The following SPAG4 variants were observed in gnomAD, a reference collection of about 807,000 sequenced individuals.
SPAG4 encodes sperm associated antigen 4.
A neutral mutation model predicts 53.9 loss-of-function variants in SPAG4; 54 were observed. The observed-to-expected ratio is 1.00, with a 90% CI of 0.80 to 1.26. The LOEUF (loss-of-function observed/expected upper bound fraction) is 1.26, where lower values mean the gene tolerates loss of function less well. Among genes scored for constraint, SPAG4 ranks in the 50% most tolerant of loss-of-function variants. SPAG4 has a pLI of 0.00. For missense variants in SPAG4, 548 were observed against 568.6 expected, an observed-to-expected ratio of 0.96 and a Z score of 0.37; for synonymous variants, 246 against 237.4, an observed-to-expected ratio of 1.04 and a Z score of -0.33.
chr20:35,616,064 T>C lies in SPAG4; in HGVS notation c.61T>C (p.Phe21Leu). ...CTCGCGCAAGCACACGCCCAACTTT[T>C]TCAGCGAGAACAGCTCAATGAGCAT... is the stretch of plus-strand genomic sequence containing the variant. ...SSSRKHTPNFFSENSSMSITS... is the reference protein window; with the variant it reads ...SSSRKHTPNFLSENSSMSITS... Residue 21 changes from phenylalanine to leucine, a missense_variant, in exon 1 of 12, where the codon TTC becomes CTC. Transcript: ENST00000374273. The C allele has an allele frequency of 6.2e-7, 1 of 1,612,764 alleles. No individual in the cohort carries two copies. Among genetic ancestry groups the C allele is most frequent in the Non-Finnish European group, 8.5e-7 (1 of 1,179,688 alleles).
chr20:35,619,868 G>T, intron 10 of SPAG4, 122 bp downstream of exon 10: 1 of 968,982 alleles, frequency 1.0e-6, no homozygotes, highest in Non-Finnish European at 1.5e-6. Context: ...ACTACTATTT[G>T]CCTCTCAGAG....
chr20:35,618,727 C>A lies in SPAG4; in HGVS notation c.717+7C>A. On this transcript the variant is annotated splice_region_variant and intron_variant, in intron 7 of 11. Transcript: ENST00000374273. The stretch of plus-strand genomic sequence containing the variant: ...TCGGGCAGCCAACAGCGAGGTGAGC[C>A]CCGGCCCACCTTGGAAACCCCTGAT... 6.4e-7 allele frequency: 1 copy of A among 1,568,186 alleles called. No individual in the cohort carries two copies. The highest frequency in any genetic ancestry group is 8.7e-7 in the Non-Finnish European group (1 of 1,153,998).
At chr20:35,617,267 C>T (rs1219349872) in intron 2 of SPAG4, 27 bp downstream of exon 2, 40 of 1,494,898 alleles carry the variant, frequency 2.7e-5, no homozygotes, top group Non-Finnish European at 3.6e-5. Context: ...CTGCGATCCC[C>T]TCTGACCCTC....
chr20:35,616,310 G>T lies in SPAG4; in HGVS notation c.304+3G>T, dbSNP rs1176461876. 1.0e-5 allele frequency: 15 copies of T among 1,468,940 alleles called. No homozygotes were observed. The South Asian group carries it at 1.9e-4, about 18-fold the overall frequency. 91.0% of individuals were successfully genotyped at this position (1,468,940 alleles called of 1,614,324 possible). A position where few individuals can be genotyped will look rare whatever the true frequency, so the allele number is the denominator to read the frequency against. ...AACCGTGAGGGGCGGGGCCTCGGGT[G>T]CGGGCGGGGTCGACCCCGGGTGAGC... is the stretch of plus-strand genomic sequence containing the variant. On this transcript the variant is annotated splice_donor_region_variant and intron_variant, in intron 1 of 11. Transcript: ENST00000374273.
rs1364092501 is a variant in SPAG4 at position 35,618,618 on chromosome 20, C to A, written c.615C>A (p.Tyr205Ter). Reference protein sequence around the residue: ...EPKEMLTLSEYHERVRSQGQQ... With the variant: ...EPKEMLTLSE ...GCCCACCTCCCACCTCCAGTGAGTA[C>A]CACGAGCGCGTGCGCTCCCAGGGGC... The change falls in exon 7 of 12, where the codon TAC becomes TAA. Residue 205 changes from tyrosine (Y) to a stop codon, truncating the protein, a stop_gained. Transcript: ENST00000374273. LOFTEE classifies it high-confidence loss of function. 5 of 1,599,506 alleles carry A rather than the reference C, an allele frequency of 3.1e-6. No homozygotes were observed. In the South Asian group the frequency reaches 5.6e-5, roughly 18 times the overall value.
At chr20:35,617,718 C>A in intron 3 of SPAG4, 61 bp from the exon 4 acceptor site, 4 of 1,581,236 alleles carry the variant, frequency 2.5e-6, no homozygotes, top group Non-Finnish European at 3.5e-6. Flanking sequence ...GGTCTAGGAC[C>A]CTGGGGTGGG....
chr20:35,618,035 G>C, intron 4 of SPAG4, 52 bp from the exon 5 acceptor site: 1 of 1,589,768 alleles, frequency 6.3e-7, no homozygotes, highest in Non-Finnish European at 8.6e-7. Flanking sequence ...CTATGCCGGG[G>C]AAACCCATTC....
intron 5 of SPAG4, 56 bp downstream of exon 5, chr20:35,618,186 T>C (rs1240136172): frequency 6.4e-7 from 1 of 1,555,258 alleles, no homozygotes; most frequent in East Asian, 2.2e-5. Context: ...AACCCGGAGA[T>C]TGTGGGGGTC....
chr20:35,615,920 C>T lies in SPAG4; in HGVS notation c.-84C>T. 1 of 1,395,692 alleles carries T rather than the reference C, an allele frequency of 7.2e-7. No homozygotes were observed. Among genetic ancestry groups the T allele is most frequent in the South Asian group, 1.3e-5 (1 of 76,534 alleles). 86.5% of individuals were successfully genotyped at this position (1,395,692 alleles called of 1,614,324 possible). On this transcript the variant is annotated 5_prime_UTR_variant, in exon 1 of 12. Transcript: ENST00000374273. ...CGCAGGGTCCGTGGGGTCCCCGCGG[C>T]GCGCAGCGGCTGAAGGAGGCCCCAG...
At chr20:35,619,551 T>C in intron 9 of SPAG4, 28 bp from the exon 10 acceptor site, 1 of 1,605,372 alleles carries the variant, frequency 6.2e-7, no homozygotes, top group Non-Finnish European at 8.5e-7. Context: ...TGTCCGACGG[T>C]TCCGATGGTC....
At chr20:35,618,577 G>A in intron 6 of SPAG4, 35 bp from the exon 7 acceptor site, 1 of 1,597,858 alleles carries the variant, frequency 6.3e-7, no homozygotes. Context: ...GGGGGACAGG[G>A]AGCCAACCCC....
In SPAG4 at chr20:35,616,275, G is replaced by A. The variant is rs2031372873; in HGVS notation, c.272G>A (p.Cys91Tyr). 6.7e-7 allele frequency: 1 copy of A among 1,492,674 alleles called. No homozygotes were observed. 92.5% of individuals were successfully genotyped at this position (1,492,674 alleles called of 1,614,324 possible). A position where few individuals can be genotyped will look rare whatever the true frequency, so the allele number is the denominator to read the frequency against. ...APRSHNWQTA[C>Y]GAATVRGGAS... ...CGGAGCCACAACTGGCAGACAGCCT[G>A]TGGCGCGGCAACCGTGAGGGGCGGG... Residue 91 changes from cysteine to tyrosine, a missense_variant, in exon 1 of 12, where the codon TGT (cysteine) becomes TAT (tyrosine). Cys to Tyr is a radical substitution (Grantham distance 194, BLOSUM62 -2). Coordinates refer to ENST00000374273, the MANE Select transcript of SPAG4 (RefSeq NM_003116.3).
intron 4 of SPAG4, 55 bp from the exon 5 acceptor site, chr20:35,618,032 G>C (rs1468756382): frequency 3.2e-6 from 5 of 1,579,230 alleles, no homozygotes; most frequent in Admixed American, 1.7e-5. Flanking sequence ...CCCCTATGCC[G>C]GGGAAACCCA....
At chr20:35,618,758 C>T (rs775501360) in intron 7 of SPAG4, 38 bp downstream of exon 7, 2 of 1,493,622 alleles carry the variant, frequency 1.3e-6, no homozygotes, top group South Asian at 2.4e-5. Flanking sequence ...CTGATGGATC[C>T]CTGCTCCCAG....
chr20:35,617,066 C>T, intron 1 of SPAG4, 70 bp from the exon 2 acceptor site: 5 of 1,007,748 alleles, frequency 5.0e-6, no homozygotes, highest in East Asian at 2.6e-5. Context: ...GAGCAATCTG[C>T]GGCCCGGTCT....
At chr20:35,620,201 C>T (rs2031528421) in intron 10 of SPAG4, among the ~76,000 whole-genome samples, 1 of 152,130 alleles carries the variant, frequency 6.6e-6, no homozygotes, top group African/African-American at 2.4e-5. Context: ...AAACTCCTGA[C>T]CTCAAGTGAT....
rs768487357 is a variant in SPAG4 at position 35,620,698 on chromosome 20, T to C, written c.1092T>C (p.Tyr364=). ...RDFAVFGLQV[Y]DETEVSLGKF... Reference sequence around the variant, plus strand: ...TCACCCACCAGGGCCTCCAGGTTTATGATGAAACTGAAGTTTCCTTGGGGA... The same window carrying C: ...TCACCCACCAGGGCCTCCAGGTTTACGATGAAACTGAAGTTTCCTTGGGGA... The change falls in exon 11 of 12, where the codon TAT becomes TAC. Residue 364 remains tyrosine (Y), a synonymous_variant. Coordinates refer to ENST00000374273, the MANE Select transcript of SPAG4 (RefSeq NM_003116.3). 1.9e-6 allele frequency: 3 copies of C among 1,561,356 alleles called. No homozygotes were observed. The highest frequency in any genetic ancestry group is 1.4e-5 in the African/African-American group (1 of 71,558).
intron 8 of SPAG4, 44 bp downstream of exon 8, chr20:35,619,042 G>T: frequency 6.4e-7 from 1 of 1,565,936 alleles, no homozygotes; most frequent in Non-Finnish European, 8.8e-7. Context: ...AGACAGGAAA[G>T]AGGCCAAGAC....
chr20:35,619,098 C>G (rs2031485467), intron 8 of SPAG4, 97 bp from the exon 9 acceptor site: 1 of 1,388,216 alleles, frequency 7.2e-7, no homozygotes, highest in African/African-American at 1.4e-5. Context: ...AAGACAGAGC[C>G]TCGGACAGCC....
Sources: allele counts gnomAD v4.1 joint callset (sites outside exome capture counted in the v4.1 genomes callset), GRCh38; gene constraint gnomAD v4.1.1; transcripts MANE v1.5; gene names NCBI Gene and HGNC (gene_info 2026-07-23, HGNC 2026-07-21).